The following EEIG2 variants were observed in gnomAD, a reference collection of about 807,000 sequenced individuals.
The protein encoded by EEIG2 is EEIG family member 2, also known as family with sequence similarity 102 member B.
chr1:108,561,887 C>T, the EEIG2 span, among the ~76,000 whole-genome samples: 3 of 152,158 alleles, frequency 2.0e-5, no homozygotes, highest in Non-Finnish European at 4.4e-5. Flanking sequence ...GGGTGCCACC[C>T]CCGACGCCAG....
At chr1:108,621,768 G>A in the EEIG2 span, among the ~76,000 whole-genome samples, 1 of 152,092 alleles carries the variant, frequency 6.6e-6, no homozygotes, top group Non-Finnish European at 1.5e-5. Flanking sequence ...TATGACTGTA[G>A]GCTCCATTCT....
At chr1:108,580,133 C>G in the EEIG2 span, among the ~76,000 whole-genome samples, 1 of 152,100 alleles carries the variant, frequency 6.6e-6, no homozygotes, top group Non-Finnish European at 1.5e-5. Context: ...GTTTTTGCAG[C>G]ATTTCAAACT....
the EEIG2 span, among the ~76,000 whole-genome samples, chr1:108,587,946 A>G: frequency 2.0e-5 from 3 of 152,154 alleles, no homozygotes; most frequent in East Asian, 5.8e-4. Flanking sequence ...CATATAAGTG[A>G]GATTATGTGA....
At chr1:108,603,832 G>C in the EEIG2 span, among the ~76,000 whole-genome samples, 2 of 152,176 alleles carry the variant, frequency 1.3e-5, no homozygotes, top group African/African-American at 4.8e-5. Flanking sequence ...AAAATTTAAA[G>C]CTAAGTAAAT....
At chr1:108,605,267 A>G in the EEIG2 span, among the ~76,000 whole-genome samples, 3 of 152,226 alleles carry the variant, frequency 2.0e-5, no homozygotes, top group Non-Finnish European at 4.4e-5. Context: ...ATTAAGGAAT[A>G]TAACAGTGAC....
the EEIG2 span, among the ~76,000 whole-genome samples, chr1:108,590,064 T>C: frequency 6.6e-6 from 1 of 152,076 alleles, no homozygotes; most frequent in African/African-American, 2.4e-5. Context: ...CTCCTCAACC[T>C]CAAAATATCC....
the EEIG2 span, among the ~76,000 whole-genome samples, chr1:108,580,786 G>A: frequency 6.6e-6 from 1 of 152,114 alleles, no homozygotes; most frequent in African/African-American, 2.4e-5. Context: ...GATTCACAGG[G>A]CTTAAGGAAA....
the EEIG2 span, among the ~76,000 whole-genome samples, chr1:108,631,461 T>C: frequency 6.6e-6 from 1 of 152,140 alleles, no homozygotes; most frequent in African/African-American, 2.4e-5. Context: ...AGTCATAACA[T>C]TATAATAAAT....
the EEIG2 span, among the ~76,000 whole-genome samples, chr1:108,574,497 T>C: frequency 6.6e-6 from 1 of 152,232 alleles, no homozygotes; most frequent in Admixed American, 6.5e-5. Context: ...ACGCCTGTAA[T>C]CCCAGCACTT....
chr1:108,603,401 T>A, the EEIG2 span, among the ~76,000 whole-genome samples: 1 of 152,030 alleles, frequency 6.6e-6, no homozygotes, highest in Non-Finnish European at 1.5e-5. Flanking sequence ...GGACTCACTC[T>A]CTGAGAGTTT....
At chr1:108,576,537 A>C in the EEIG2 span, among the ~76,000 whole-genome samples, 1 of 134,664 alleles carries the variant, frequency 7.4e-6, no homozygotes, top group Non-Finnish European at 1.6e-5. Context: ...ATGAGTGAGA[A>C]TATGCGGTGT....
the EEIG2 span, among the ~76,000 whole-genome samples, chr1:108,614,585 C>T: frequency 6.6e-6 from 1 of 152,148 alleles, no homozygotes; most frequent in Non-Finnish European, 1.5e-5. Context: ...CTGCCTCTCC[C>T]GCCTTATCCT....
chr1:108,637,945 G>C, the EEIG2 span: 1 of 152,628 alleles, frequency 6.6e-6, no homozygotes, highest in Non-Finnish European at 1.5e-5. Context: ...TATACCAACA[G>C]CTAATGTGGA....
At chr1:108,633,282 A>T in the EEIG2 span, among the ~76,000 whole-genome samples, 1 of 151,976 alleles carries the variant, frequency 6.6e-6, no homozygotes, top group Admixed American at 6.6e-5. Flanking sequence ...TGACTTATGT[A>T]ACATTTTTTG....
chr1:108,638,822 C>A, the EEIG2 span: 2 of 152,298 alleles, frequency 1.3e-5, no homozygotes, highest in South Asian at 4.1e-4. Flanking sequence ...TATTCCCTTA[C>A]ACATGCGATT....
the EEIG2 span, among the ~76,000 whole-genome samples, chr1:108,582,104 G>A: frequency 6.6e-6 from 1 of 152,146 alleles, no homozygotes; most frequent in African/African-American, 2.4e-5. Flanking sequence ...TGAGATGATT[G>A]TTGGCATTTT....
At chr1:108,620,956 T>C in the EEIG2 span, among the ~76,000 whole-genome samples, 13 of 152,222 alleles carry the variant, frequency 8.5e-5, no homozygotes, top group East Asian at 2.1e-3. Flanking sequence ...AGGGAAATCT[T>C]TACTGAGAAG....
chr1:108,581,690 T>C, the EEIG2 span, among the ~76,000 whole-genome samples: 1 of 152,190 alleles, frequency 6.6e-6, no homozygotes, highest in South Asian at 2.1e-4. Context: ...TGCAATCTCA[T>C]GATTAAAACT....
At chr1:108,608,587 G>A in the EEIG2 span, among the ~76,000 whole-genome samples, 8 of 152,344 alleles carry the variant, frequency 5.3e-5, no homozygotes, top group South Asian at 1.0e-3. Context: ...CTTTCAAGGC[G>A]GAGTAGGTGT....
Sources: gnomAD v4.1 joint callset for allele counts (sites outside exome capture counted in the v4.1 genomes callset) on GRCh38, gnomAD v4.1.1 for gene constraint, MANE v1.5 for transcripts, NCBI Gene and HGNC (gene_info 2026-07-23, HGNC 2026-07-21) for gene names.